Variants in CALN1 observed in about 807,000 individuals in gnomAD.
CALN1 encodes calneuron 1, also known as calcium-binding protein 8.
Under a neutral mutation model 30.6 loss-of-function variants are expected in CALN1, and 17 were observed. The observed-to-expected ratio is 0.56, with a 90% CI of 0.38 to 0.83. The LOEUF (loss-of-function observed/expected upper bound fraction) is 0.83. CALN1 is among the 40% of genes least tolerant of loss of function. The pLI, the probability that CALN1 is intolerant of heterozygous loss-of-function variation, is 0.00. For synonymous variants in CALN1, 156 were observed against 131.4 expected (o/e 1.19, Z -1.28); for missense variants, 291 against 354.9 (o/e 0.82, Z 1.45).
At chr7:71,805,593 A>C (rs1362974168) in intron 6 of CALN1, among the ~76,000 whole-genome samples, 2 of 152,176 alleles carry the variant, frequency 1.3e-5, no homozygotes, top group African/African-American at 4.8e-5. Context: ...TAATCAAGGA[A>C]GAAGGGCAGG....
chr7:72,249,320 C>T (rs1385259719), intron 3 of CALN1, among the ~76,000 whole-genome samples: 2 of 152,194 alleles, frequency 1.3e-5, no homozygotes, highest in Admixed American at 1.3e-4. Context: ...GCTCATGAAA[C>T]CATCATCGCA....
chr7:71,915,597 G>A (rs1562896834), intron 5 of CALN1, among the ~76,000 whole-genome samples: 1 of 152,134 alleles, frequency 6.6e-6, no homozygotes, highest in Admixed American at 6.5e-5. Flanking sequence ...AGTTGGGCAT[G>A]GTGGTGCATG....
chr7:72,049,093 G>A (rs1373650298), intron 4 of CALN1, among the ~76,000 whole-genome samples: 1 of 152,140 alleles, frequency 6.6e-6, no homozygotes, highest in East Asian at 1.9e-4. Context: ...ATCGGTGTGA[G>A]CCACCGCACC....
At chr7:71,798,049 A>AAG (rs967391489) in intron 6 of CALN1, among the ~76,000 whole-genome samples, 1 of 142,568 alleles carries the variant, frequency 7.0e-6, no homozygotes, top group South Asian at 2.3e-4. Flanking sequence ...GAGAGCAGGC[A>AAG]AGAGAGAGAG....
chr7:72,141,394 G>C (rs1444675647), intron 3 of CALN1, among the ~76,000 whole-genome samples: 1 of 152,122 alleles, frequency 6.6e-6, no homozygotes, highest in South Asian at 2.1e-4. Context: ...GAGGTCAAGA[G>C]TTCGAGACCA....
At chr7:72,380,851 A>G (rs551317053) in intron 2 of CALN1, among the ~76,000 whole-genome samples, 3 of 152,206 alleles carry the variant, frequency 2.0e-5, no homozygotes, top group South Asian at 2.1e-4. Context: ...CAAAAAGAAA[A>G]GAAACAAGTA....
chr7:71,900,723 A>C (rs977435907), intron 5 of CALN1, among the ~76,000 whole-genome samples: 1 of 152,174 alleles, frequency 6.6e-6, no homozygotes, highest in African/African-American at 2.4e-5. Flanking sequence ...TCCTTGCTGA[A>C]GGAGGAATGA....
At chr7:71,842,636 T>G (rs1790001603) in intron 5 of CALN1, among the ~76,000 whole-genome samples, 1 of 152,190 alleles carries the variant, frequency 6.6e-6, no homozygotes, top group Admixed American at 6.5e-5. Context: ...TTTGCAACGT[T>G]CACCGATGCC....
intron 2 of CALN1, among the ~76,000 whole-genome samples, chr7:72,388,468 A>G (rs775969787): frequency 9.5e-4 from 145 of 152,154 alleles, no homozygotes; most frequent in Non-Finnish European, 1.8e-3. Context: ...TGCCTAAATC[A>G]TGAGCCTTAA....
intron 2 of CALN1, among the ~76,000 whole-genome samples, chr7:72,367,716 T>G (rs1313794152): frequency 1.3e-5 from 2 of 148,928 alleles, no homozygotes; most frequent in East Asian, 3.8e-4. Context: ...ACGCCTGTGG[T>G]CCCAGCTATT....
chr7:72,328,384 G>C (rs1401813309), intron 2 of CALN1, among the ~76,000 whole-genome samples: 1 of 152,152 alleles, frequency 6.6e-6, no homozygotes, highest in Non-Finnish European at 1.5e-5. Context: ...CCCTACACAA[G>C]CTCTTTCCTG....
intron 5 of CALN1, among the ~76,000 whole-genome samples, chr7:71,869,806 C>T (rs1172252272): frequency 2.6e-5 from 4 of 152,074 alleles, no homozygotes; most frequent in Non-Finnish European, 5.9e-5. Context: ...TCGTGTAATA[C>T]AATTGGAAGA....
chr7:72,294,101 A>G (rs1253004985), intron 2 of CALN1, among the ~76,000 whole-genome samples: 1 of 152,130 alleles, frequency 6.6e-6, no homozygotes, highest in Non-Finnish European at 1.5e-5. Context: ...ACAAAAAAAC[A>G]AAATGAGATT....
chr7:72,344,976 A>T (rs1293245038), intron 2 of CALN1, among the ~76,000 whole-genome samples: 1 of 147,168 alleles, frequency 6.8e-6, no homozygotes, highest in Non-Finnish European at 1.5e-5. Flanking sequence ...TTTATATATA[A>T]ATATTTATAA....
chr7:72,234,849 A>G, intron 3 of CALN1, among the ~76,000 whole-genome samples: 1 of 152,158 alleles, frequency 6.6e-6, no homozygotes, highest in East Asian at 1.9e-4. Flanking sequence ...GATATCCCCT[A>G]AGTACTTAAT....
intron 3 of CALN1, among the ~76,000 whole-genome samples, chr7:72,233,684 G>A (rs1794268895): frequency 6.6e-6 from 1 of 152,056 alleles, no homozygotes; most frequent in African/African-American, 2.4e-5. Flanking sequence ...ACACCACTGG[G>A]CAACAGAGCA....
chr7:71,835,439 T>G (rs1219926131), intron 5 of CALN1, among the ~76,000 whole-genome samples: 2 of 152,206 alleles, frequency 1.3e-5, no homozygotes, highest in Admixed American at 1.3e-4. Context: ...ACTTAGCCTG[T>G]GTTTAAACCG....
chr7:71,971,953 A>AAAAG (rs61083921), intron 5 of CALN1, among the ~76,000 whole-genome samples: 3,576 of 72,514 alleles, frequency 0.049, 91 homozygotes, highest in African/African-American at 0.072. Context: ...AAAAAAAAAA[A>AAAAG]AAAGAAAGAA....
chr7:72,163,925 A>G (rs1290886882), intron 3 of CALN1, among the ~76,000 whole-genome samples: 1 of 152,156 alleles, frequency 6.6e-6, no homozygotes, highest in Non-Finnish European at 1.5e-5. Context: ...TACCACAAAC[A>G]AGATAAAGGC....
Sources: allele counts gnomAD v4.1 joint callset (sites outside exome capture counted in the v4.1 genomes callset), GRCh38; gene constraint gnomAD v4.1.1; transcripts MANE v1.5; gene names NCBI Gene and HGNC (gene_info 2026-07-23, HGNC 2026-07-21).